GDPD5: variants seen among roughly 807,000 people sequenced by gnomAD.
GDPD5 encodes glycerophosphodiester phosphodiesterase domain containing 5.
In GDPD5, 48 loss-of-function variants were observed where a neutral mutation model predicts 75.1. The ratio of observed to expected loss-of-function variants is 0.64; its 90% confidence interval spans 0.51 to 0.81. The LOEUF is 0.81. Ranked by LOEUF, GDPD5 falls within the 40% of genes least tolerant of loss-of-function variation. GDPD5 has a pLI of 0.00. For missense variants in GDPD5, 706 were observed against 822.6 expected (o/e 0.86, Z 1.73); for synonymous variants, 336 against 339.0 (o/e 0.99, Z 0.10).
chr11:75,509,573 A>G (rs1467634761), intron 1 of GDPD5, among the ~76,000 whole-genome samples: 2 of 152,264 alleles, frequency 1.3e-5, no homozygotes, highest in Non-Finnish European at 2.9e-5. Flanking sequence ...AAGTCAGTTT[A>G]TAATCCATGT....
chr11:75,454,961 G>T (rs1432746552), intron 6 of GDPD5, among the ~76,000 whole-genome samples: 1 of 152,168 alleles, frequency 6.6e-6, no homozygotes, highest in Non-Finnish European at 1.5e-5. Context: ...GGCCCTGCTG[G>T]AACACTCTGA....
chr11:75,509,934 C>T (rs925122606), intron 1 of GDPD5, among the ~76,000 whole-genome samples: 6 of 152,218 alleles, frequency 3.9e-5, no homozygotes, highest in Non-Finnish European at 8.8e-5. Flanking sequence ...CCCGCCTCGG[C>T]CTCCCAAAGT....
At chr11:75,468,252 C>T (rs572635012) in intron 3 of GDPD5, among the ~76,000 whole-genome samples, 279 of 152,090 alleles carry the variant, frequency 1.8e-3, no homozygotes, top group African/African-American at 6.3e-3. Context: ...CTGCACACAT[C>T]ACTCTGAATG....
rs758343784 is a variant in GDPD5 at position 75,450,032 on chromosome 11, T to C, written c.376-49A>G. ...CAGAGGCTCAGAGCGGGTGGGAGGG[T>C]TCCCAGTGTGTCTGAGAGAGGAGCC... On this transcript the variant is annotated intron_variant, in intron 6 of 16. Coordinates refer to ENST00000336898, the MANE Select transcript of GDPD5 (RefSeq NM_030792.8). 6.0e-5 allele frequency: 91 copies of C among 1,513,376 alleles called. 1 individual carries two copies. In the South Asian group the frequency reaches 9.5e-4, roughly 16 times the overall value. 93.7% of individuals were successfully genotyped at this position (1,513,376 alleles called of 1,614,324 possible).
chr11:75,507,479 C>T (rs1950424843), intron 1 of GDPD5, among the ~76,000 whole-genome samples: 1 of 152,260 alleles, frequency 6.6e-6, no homozygotes, highest in Non-Finnish European at 1.5e-5. Flanking sequence ...CAGAATCTTT[C>T]CCAGGCTGGG....
At chr11:75,445,198 G>A (rs887392610) in intron 9 of GDPD5, among the ~76,000 whole-genome samples, 1 of 152,166 alleles carries the variant, frequency 6.6e-6, no homozygotes, top group Non-Finnish European at 1.5e-5. Context: ...CACCCAGGCT[G>A]TAGTGCAGTG....
intron 1 of GDPD5, among the ~76,000 whole-genome samples, chr11:75,500,706 G>A (rs1424664290): frequency 6.6e-6 from 1 of 152,096 alleles, no homozygotes; most frequent in African/African-American, 2.4e-5. Flanking sequence ...ACCCACAGTG[G>A]CCAAATGGGA....
intron 1 of GDPD5, chr11:75,515,949 G>A (rs1384169355): frequency 6.6e-6 from 1 of 152,232 alleles, no homozygotes; most frequent in East Asian, 1.9e-4. Flanking sequence ...AAGGGGTATG[G>A]TAAAAACAGA....
Position 75,449,992 on chromosome 11 carries a change from G to A in GDPD5, c.376-9C>T. The A allele has an allele frequency of 6.2e-7, 1 of 1,612,202 alleles. No homozygotes were observed. Among genetic ancestry groups the A allele is most frequent in the Non-Finnish European group, 8.5e-7 (1 of 1,178,898 alleles). Reference sequence around the variant, plus strand: ...ATGACCACCAGCCCGATCTGGAGGGGGAAGAGTCACCGGACAGAGGCTCAG... The same window carrying A: ...ATGACCACCAGCCCGATCTGGAGGGAGAAGAGTCACCGGACAGAGGCTCAG... On this transcript the variant is annotated splice_polypyrimidine_tract_variant and intron_variant, in intron 6 of 16. Coordinates refer to ENST00000336898, the MANE Select transcript of GDPD5 (RefSeq NM_030792.8).
At chr11:75,447,067 G>C (rs925458736) in intron 9 of GDPD5, among the ~76,000 whole-genome samples, 1 of 152,154 alleles carries the variant, frequency 6.6e-6, no homozygotes, top group Non-Finnish European at 1.5e-5. Context: ...ATTTTTAGTA[G>C]AGATGGGGTT....
chr11:75,455,913 G>C (rs1352129278), intron 6 of GDPD5, among the ~76,000 whole-genome samples: 1 of 152,244 alleles, frequency 6.6e-6, no homozygotes, highest in Non-Finnish European at 1.5e-5. Context: ...ACTGGGAACA[G>C]GGAGATGGAG....
intron 2 of GDPD5, among the ~76,000 whole-genome samples, chr11:75,484,429 C>G (rs1006380648): frequency 3.3e-5 from 5 of 152,132 alleles, no homozygotes; most frequent in Non-Finnish European, 7.4e-5. Context: ...TCTCCAGACC[C>G]CTCAGATTCT....
At chr11:75,505,769 T>C (rs1235911348) in intron 1 of GDPD5, among the ~76,000 whole-genome samples, 2 of 152,194 alleles carry the variant, frequency 1.3e-5, no homozygotes, top group East Asian at 3.9e-4. Flanking sequence ...GCACCTACTA[T>C]ATTTGTGATA....
In GDPD5 at chr11:75,484,221, G is replaced by A. The variant is rs372851239; in HGVS notation, c.-61+6016C>T. Among the ~76,000 whole-genome samples, 11 of 152,276 alleles carry A rather than the reference G, an allele frequency of 7.2e-5. No homozygotes were observed. The East Asian group carries it at 1.4e-3, about 19-fold the overall frequency. On this transcript the variant is annotated intron_variant, in intron 2 of 16. Transcript: ENST00000336898. ...CAACCCTCCCACAAAAAAAGAAAAT[G>A]TCCTGGAATTAGTGGTGATGGTTGC...
chr11:75,435,341 A>C lies in GDPD5; in HGVS notation c.*166T>G. ...TCCTGGCCCAGCTGGGCCTCAGGAGACAGGGAGTCCCCCTCAAGAGAGGCT... is the reference window on the plus strand; with the variant it reads ...TCCTGGCCCAGCTGGGCCTCAGGAGCCAGGGAGTCCCCCTCAAGAGAGGCT... On this transcript the variant is annotated 3_prime_UTR_variant, in exon 17 of 17. Transcript: ENST00000336898. 2.1e-5 allele frequency: 12 copies of C among 562,190 alleles called. No homozygotes were observed. Among genetic ancestry groups the C allele is most frequent in the African/African-American group, 1.9e-5 (1 of 53,290 alleles). 34.8% of individuals were successfully genotyped at this position (562,190 alleles called of 1,614,324 possible). A position where few individuals can be genotyped will look rare whatever the true frequency, so the allele number is the denominator to read the frequency against.
In GDPD5 at chr11:75,495,734, G is replaced by A. The variant is rs939923383; in HGVS notation, c.-144-5414C>T. 5.3e-5 allele frequency among the ~76,000 whole-genome samples: 8 copies of A among 152,112 alleles called. No homozygotes were observed. The South Asian group carries it at 1.7e-3, about 31-fold the overall frequency. On this transcript the variant is annotated intron_variant, in intron 1 of 16. Coordinates refer to ENST00000336898, the MANE Select transcript of GDPD5 (RefSeq NM_030792.8). ...TCTCCTGGCTTGCTTTACAATCTTC[G>A]AATATCTGACAAAGATACATGGATC...
rs1412913044 is a variant in GDPD5 at position 75,449,627 on chromosome 11, G to A, written c.475-17C>T. The A allele has an allele frequency of 1.3e-6, 2 of 1,564,780 alleles. No homozygotes were observed. Among genetic ancestry groups the A allele is most frequent in the South Asian group, 1.2e-5 (1 of 85,024 alleles). ...CGCTGTGCCCTGTTTGCAGGGAGAG[G>A]GAAGGGAGACCAGTAACGCCCAGCT... is the stretch of plus-strand genomic sequence containing the variant. On this transcript the variant is annotated splice_polypyrimidine_tract_variant and intron_variant, in intron 7 of 16. Coordinates refer to ENST00000336898, the MANE Select transcript of GDPD5 (RefSeq NM_030792.8).
intron 1 of GDPD5, among the ~76,000 whole-genome samples, chr11:75,502,828 G>C (rs528042148): frequency 9.9e-5 from 15 of 152,212 alleles, no homozygotes; most frequent in Non-Finnish European, 1.8e-4. Flanking sequence ...CAAGCCTGCA[G>C]AGAGAGAAAA....
At chr11:75,468,390 C>G (rs1366532893) in intron 3 of GDPD5, among the ~76,000 whole-genome samples, 1 of 152,224 alleles carries the variant, frequency 6.6e-6, no homozygotes, top group East Asian at 1.9e-4. Flanking sequence ...AGGGGCTTCT[C>G]CTTCCAGATG....
Sources: gnomAD v4.1 joint callset for allele counts (sites outside exome capture counted in the v4.1 genomes callset) on GRCh38, gnomAD v4.1.1 for gene constraint, MANE v1.5 for transcripts, NCBI Gene and HGNC (gene_info 2026-07-23, HGNC 2026-07-21) for gene names.